ATRNL1: variants seen among roughly 807,000 people sequenced by gnomAD.
The protein encoded by ATRNL1 is attractin like 1.
In ATRNL1, 95 loss-of-function variants were observed where a neutral mutation model predicts 182.7. The ratio of observed to expected loss-of-function variants is 0.52; its 90% CI spans 0.44 to 0.62. The LOEUF is 0.62. Ranked by LOEUF, ATRNL1 falls within the 20% of genes least tolerant of loss-of-function variation. The probability of loss-of-function intolerance (pLI) is 0.00; values close to 1 mark genes in which losing one functional copy is unlikely to be tolerated. For missense variants in ATRNL1, 1,471 were observed against 1,679.5 expected, an observed-to-expected ratio of 0.88 and a Z score of 2.17; for synonymous variants, 576 against 568.3, an observed-to-expected ratio of 1.01 and a Z score of -0.19.
At chr10:115,233,947 TATTC>T (rs200034930) in intron 9 of ATRNL1, among the ~76,000 whole-genome samples, 1,942 of 152,184 alleles carry the variant, frequency 0.013, 113 homozygotes, top group Admixed American at 0.1. Flanking sequence ...TTTTTTGAGA[TATTC>T]ATGTCAGCTC....
chr10:115,317,682 T>G (rs1554930131), intron 18 of ATRNL1, among the ~76,000 whole-genome samples: 1 of 152,196 alleles, frequency 6.6e-6, no homozygotes, highest in Non-Finnish European at 1.5e-5. Flanking sequence ...TCATTAATGA[T>G]TTGGCTCTCT....
intron 20 of ATRNL1, among the ~76,000 whole-genome samples, chr10:115,395,174 G>A (rs1292573279): frequency 1.3e-5 from 2 of 151,902 alleles, no homozygotes; most frequent in Non-Finnish European, 2.9e-5. Flanking sequence ...CCATGTGGCA[G>A]AGGATATGAT....
chr10:115,424,697 A>C (rs887439986), intron 20 of ATRNL1, among the ~76,000 whole-genome samples: 71 of 152,260 alleles, frequency 4.7e-4, no homozygotes, highest in African/African-American at 1.7e-3. Context: ...GCATGATCTC[A>C]CTTATATGTA....
intron 17 of ATRNL1, among the ~76,000 whole-genome samples, chr10:115,308,511 GT>G (rs756012688): frequency 1.5e-3 from 223 of 151,986 alleles, no homozygotes; most frequent in Non-Finnish European, 2.5e-3. Flanking sequence ...ATTAAGGAAG[GT>G]AATCATTTTT....
chr10:115,558,171 T>A (rs1263394607), intron 26 of ATRNL1, among the ~76,000 whole-genome samples: 1 of 151,770 alleles, frequency 6.6e-6, no homozygotes, highest in Non-Finnish European at 1.5e-5. Context: ...GTTGCCCGGG[T>A]CCTTGGAGAT....
intron 26 of ATRNL1, among the ~76,000 whole-genome samples, chr10:115,573,528 C>T (rs959945683): frequency 6.6e-6 from 1 of 152,022 alleles, no homozygotes; most frequent in Admixed American, 6.6e-5. Flanking sequence ...AATACCTGTT[C>T]TCATTTAGGG....
intron 26 of ATRNL1, among the ~76,000 whole-genome samples, chr10:115,719,853 C>G (rs1428992379): frequency 6.9e-6 from 1 of 145,982 alleles, no homozygotes; most frequent in Non-Finnish European, 1.5e-5. Context: ...TCCACCCCCC[C>G]ACACACTCTT....
chr10:115,777,471 G>A (rs1949156239), intron 27 of ATRNL1, among the ~76,000 whole-genome samples: 1 of 152,014 alleles, frequency 6.6e-6, no homozygotes, highest in South Asian at 2.1e-4. Context: ...TAAGCAAATA[G>A]TATATTTCCT....
chr10:115,372,356 G>C (rs967148420), intron 19 of ATRNL1, among the ~76,000 whole-genome samples: 5 of 152,106 alleles, frequency 3.3e-5, no homozygotes, highest in Admixed American at 1.3e-4. Flanking sequence ...CTCTGCAGAA[G>C]CTTCTTAATT....
At chr10:115,223,975 A>C in intron 9 of ATRNL1, among the ~76,000 whole-genome samples, 2 of 123,516 alleles carry the variant, frequency 1.6e-5, no homozygotes, top group Admixed American at 2.0e-4. Flanking sequence ...TCACTCCGTC[A>C]CCCAGCCTGG....
chr10:115,720,362 T>A (rs1279132487), intron 26 of ATRNL1, among the ~76,000 whole-genome samples: 1 of 152,196 alleles, frequency 6.6e-6, no homozygotes, highest in Non-Finnish European at 1.5e-5. Context: ...TAATGAAGAT[T>A]ATTCATTTTC....
At chr10:115,640,095 C>A (rs1156420282) in intron 26 of ATRNL1, among the ~76,000 whole-genome samples, 7 of 152,062 alleles carry the variant, frequency 4.6e-5, no homozygotes, top group African/African-American at 1.7e-4. Context: ...CATGTCCCTG[C>A]CAAGGACATG....
chr10:115,133,869 A>C (rs919892371), intron 5 of ATRNL1, among the ~76,000 whole-genome samples: 1 of 152,148 alleles, frequency 6.6e-6, no homozygotes, highest in East Asian at 1.9e-4. Flanking sequence ...AGTGCAATCA[A>C]ACTAGAACTC....
At chr10:115,691,970 AT>A (rs1386608141) in intron 26 of ATRNL1, among the ~76,000 whole-genome samples, 1 of 152,000 alleles carries the variant, frequency 6.6e-6, no homozygotes, top group African/African-American at 2.4e-5. Flanking sequence ...GTTTGGTGTA[AT>A]CCCACTTGAC....
At chr10:115,534,991 G>A (rs544661639) in intron 25 of ATRNL1, among the ~76,000 whole-genome samples, 261 of 152,016 alleles carry the variant, frequency 1.7e-3, no homozygotes, top group African/African-American at 6.0e-3. Context: ...TTAGTCTGAT[G>A]GGCTTCCCTT....
intron 19 of ATRNL1, among the ~76,000 whole-genome samples, chr10:115,389,550 A>ATATATGTATATG (rs1554953819): frequency 1.8e-5 from 1 of 54,786 alleles, no homozygotes; most frequent in Non-Finnish European, 4.1e-5. Context: ...GTATATATAT[A>ATATATGTATATG]TATATATATA....
Position 115,286,050 on chromosome 10 carries a change from T to C in ATRNL1, c.2234-166T>C, listed in dbSNP as rs537988762. 1.5e-3 allele frequency among the ~76,000 whole-genome samples: 226 copies of C among 152,186 alleles called. 2 individuals carry two copies. The highest frequency in any genetic ancestry group is 5.3e-3 in the African/African-American group (221 of 41,588). ...AAAGAAAAAGTTGGGATGTTCTGCT[T>C]TCATTCTCTACCAAACTATTAGAAA... On this transcript the variant is annotated intron_variant, in intron 14 of 28. Transcript: ENST00000355044.
intron 19 of ATRNL1, among the ~76,000 whole-genome samples, chr10:115,378,599 G>T (rs1426708291): frequency 1.3e-5 from 2 of 152,178 alleles, no homozygotes; most frequent in Admixed American, 1.3e-4. Context: ...CCCTGTGTGT[G>T]TGTGATTGTT....
At chr10:115,307,920 A>G (rs1397825455) in intron 17 of ATRNL1, among the ~76,000 whole-genome samples, 1 of 123,782 alleles carries the variant, frequency 8.1e-6, no homozygotes, top group African/African-American at 2.9e-5. Flanking sequence ...TAAATTATAT[A>G]TATTTACATT....
Sources: gnomAD v4.1 joint callset for allele counts (sites outside exome capture counted in the v4.1 genomes callset) on GRCh38, gnomAD v4.1.1 for gene constraint, MANE v1.5 for transcripts, NCBI Gene and HGNC (gene_info 2026-07-23, HGNC 2026-07-21) for gene names.